Variants in RPH3AL observed in about 807,000 individuals in gnomAD.
RPH3AL encodes rab effector Noc2.
RPH3AL carries 38 observed loss-of-function variants against 43.1 expected under a neutral mutation model. The observed-to-expected ratio is 0.88, with a 90% CI of 0.68 to 1.15. The LOEUF (loss-of-function observed/expected upper bound fraction) is 1.15. Ranked by LOEUF, RPH3AL falls within the 50% of genes most tolerant of loss-of-function variation. RPH3AL has a pLI of 0.00. For synonymous variants in RPH3AL, 189 were observed against 176.3 expected (o/e 1.07, Z -0.57); for missense variants, 462 against 423.2 (o/e 1.09, Z -0.81).
chr17:337,457 G>GC (rs1377571631), intron 1 of RPH3AL, among the ~76,000 whole-genome samples: 1 of 152,084 alleles, frequency 6.6e-6, no homozygotes, highest in Non-Finnish European at 1.5e-5. Flanking sequence ...AGCCTCGCTG[G>GC]CCTCCTTAAC....
At position 247,840 on chromosome 17, in the gene RPH3AL, G is replaced by A. The variant is rs548204232; in HGVS notation, c.439-555C>T. The stretch of plus-strand genomic sequence containing the variant: ...TCCGGCCCCTGCTGGAAAACTCCTA[G>A]TGACAGGAAGCCCACAAGCCACCAG... On this transcript the variant is annotated intron_variant, in intron 6 of 9. Coordinates refer to ENST00000331302, the MANE Select transcript of RPH3AL (RefSeq NM_006987.4). Among the ~76,000 whole-genome samples, 3 of 152,312 alleles carry A rather than the reference G, an allele frequency of 2.0e-5. No individual in the cohort carries two copies. In the East Asian group the frequency reaches 5.8e-4, roughly 29 times the overall value.
At chr17:235,853 G>T (rs2041373755) in intron 7 of RPH3AL, among the ~76,000 whole-genome samples, 1 of 144,650 alleles carries the variant, frequency 6.9e-6, no homozygotes, top group Admixed American at 7.0e-5. Flanking sequence ...ACAGGTCCCG[G>T]GTTCAAAGCT....
chr17:320,858 G>T (rs1286983768), intron 4 of RPH3AL, among the ~76,000 whole-genome samples: 1 of 152,264 alleles, frequency 6.6e-6, no homozygotes, highest in African/African-American at 2.4e-5. Context: ...GGCCAGGAGA[G>T]GCACGTAGAG....
intron 7 of RPH3AL, among the ~76,000 whole-genome samples, chr17:234,991 A>C (rs8073847): frequency 6.6e-6 from 1 of 152,128 alleles, no homozygotes; most frequent in Non-Finnish European, 1.5e-5. Context: ...ATAGCATGCC[A>C]CGTGAAGAAG....
chr17:235,393 A>G (rs1475048125), intron 7 of RPH3AL, among the ~76,000 whole-genome samples: 1 of 144,872 alleles, frequency 6.9e-6, no homozygotes, highest in Non-Finnish European at 1.5e-5. Context: ...CACTAACAAG[A>G]CAGGTCCCGG....
chr17:232,272 G>A (rs1164565069), intron 7 of RPH3AL, among the ~76,000 whole-genome samples: 2 of 152,170 alleles, frequency 1.3e-5, no homozygotes, highest in Non-Finnish European at 2.9e-5. Context: ...TGTAAAATGG[G>A]ACAACAGTAG....
At chr17:302,640 C>T (rs1034867801) in intron 5 of RPH3AL, among the ~76,000 whole-genome samples, 7 of 152,180 alleles carry the variant, frequency 4.6e-5, no homozygotes, top group African/African-American at 1.7e-4. Context: ...CCAGGCCCGG[C>T]CCTCCCGGCT....
At chr17:306,836 ACCT>A (rs1302663849) in intron 5 of RPH3AL, among the ~76,000 whole-genome samples, 4 of 141,162 alleles carry the variant, frequency 2.8e-5, no homozygotes. Flanking sequence ...CCCCCCTCTG[ACCT>A]CCTCTTCTTC....
intron 7 of RPH3AL, among the ~76,000 whole-genome samples, chr17:227,308 G>A (rs962698482): frequency 1.1e-4 from 16 of 149,782 alleles, no homozygotes; most frequent in Admixed American, 3.3e-4. Flanking sequence ...CCATGGAAAC[G>A]CAGGGTTTTG....
intron 6 of RPH3AL, among the ~76,000 whole-genome samples, chr17:275,305 G>A (rs186908948): frequency 2.2e-3 from 327 of 151,656 alleles, no homozygotes; most frequent in Non-Finnish European, 3.9e-3. Flanking sequence ...AAATAGGTAC[G>A]TATTTTTTAC....
rs952193381 is a variant in RPH3AL, at chr17:213,736, T to G, written c.*116A>C. 30 of 822,018 alleles carry G rather than the reference T, an allele frequency of 3.6e-5. No individual in the cohort carries two copies. The African/African-American group carries it at 4.9e-4, about 13-fold the overall frequency. 50.9% of individuals were successfully genotyped at this position (822,018 alleles called of 1,614,324 possible). On this transcript the variant is annotated 3_prime_UTR_variant, in exon 10 of 10. Coordinates refer to ENST00000331302, the MANE Select transcript of RPH3AL (RefSeq NM_006987.4). ...AGGCAGACGGCTCCCAACACTGGTT[T>G]GTTGAGTCATGGCCAACAGGGTGTC...
At chr17:256,009 A>G (rs372647449) in intron 6 of RPH3AL, among the ~76,000 whole-genome samples, 4 of 53,420 alleles carry the variant, frequency 7.5e-5, no homozygotes, top group East Asian at 6.2e-4. Context: ...GTCCTTTTCC[A>G]TCCCTAGGAA....
At chr17:318,137 G>A (rs997576594) in intron 5 of RPH3AL, among the ~76,000 whole-genome samples, 2 of 152,020 alleles carry the variant, frequency 1.3e-5, no homozygotes, top group Non-Finnish European at 2.9e-5. Flanking sequence ...AATCCCAGCA[G>A]TTTGGGAGGC....
chr17:346,508 T>G (rs1477569136), intron 1 of RPH3AL, among the ~76,000 whole-genome samples: 2 of 133,390 alleles, frequency 1.5e-5, no homozygotes, highest in East Asian at 4.8e-4. Context: ...TACAGAACCA[T>G]CAGCTCTCGT....
At chr17:342,764 A>G (rs904479636) in intron 1 of RPH3AL, among the ~76,000 whole-genome samples, 41 of 152,322 alleles carry the variant, frequency 2.7e-4, no homozygotes, top group African/African-American at 9.6e-4. Flanking sequence ...GATGGTGATT[A>G]GAAGGTCATC....
intron 6 of RPH3AL, among the ~76,000 whole-genome samples, chr17:268,756 G>C (rs974417180): frequency 6.6e-6 from 1 of 151,528 alleles, no homozygotes; most frequent in African/African-American, 2.4e-5. Context: ...GTAGTGACAG[G>C]TTTCGCCATG....
chr17:321,200 C>A, intron 4 of RPH3AL, 72 bp downstream of exon 4: 2 of 1,523,356 alleles, frequency 1.3e-6, no homozygotes, highest in Non-Finnish European at 1.8e-6. Flanking sequence ...GGAGTGCCGG[C>A]CTCCCAGTCC....
intron 1 of RPH3AL, among the ~76,000 whole-genome samples, chr17:338,318 T>C (rs4985612): frequency 0.35 from 52,865 of 151,734 alleles, 9,430 homozygotes; most frequent in South Asian, 0.4. Context: ...AAAACTTAGC[T>C]GGGCATGGTG....
rs567913982 is a variant in RPH3AL at position 345,039 on chromosome 17, C to T, written c.-213+7673G>A. 8.1e-5 allele frequency among the ~76,000 whole-genome samples: 11 copies of T among 135,516 alleles called. No homozygotes were observed. In the East Asian group the frequency reaches 1.9e-3, roughly 24 times the overall value. 88.9% of individuals were successfully genotyped at this position (135,516 alleles called of 152,430 possible). On this transcript the variant is annotated intron_variant, in intron 1 of 9. Coordinates refer to ENST00000331302, the MANE Select transcript of RPH3AL (RefSeq NM_006987.4). ...ATCCCAGCATTTTGGGAGGCCAAGG[C>T]GGGAGGATCGATTGAGCCCAGGAGT...
Sources: allele counts gnomAD v4.1 joint callset (sites outside exome capture counted in the v4.1 genomes callset), GRCh38; gene constraint gnomAD v4.1.1; transcripts MANE v1.5; gene names NCBI Gene and HGNC (gene_info 2026-07-23, HGNC 2026-07-21).